The following PIK3C2A variants were observed in gnomAD, a reference collection of about 807,000 sequenced individuals.
The protein encoded by PIK3C2A is phosphatidylinositol-4-phosphate 3-kinase catalytic subunit type 2 alpha.
PIK3C2A carries 97 observed loss-of-function variants against 204.5 expected under a neutral mutation model. The ratio of observed to expected loss-of-function variants is 0.47; its 90% CI spans 0.40 to 0.56. The LOEUF (loss-of-function observed/expected upper bound fraction) is 0.56. PIK3C2A is among the 20% of genes least tolerant of loss of function. PIK3C2A has a pLI of 0.00. For synonymous variants in PIK3C2A, 653 were observed against 664.4 expected (o/e 0.98, Z 0.26); for missense variants, 1,735 against 1,969.2 (o/e 0.88, Z 2.25).
rs1012096503 is a variant in PIK3C2A at position 17,087,551 on chromosome 11, T to C, written c.*2187A>G. The C allele has an allele frequency of 6.6e-6, 1 of 152,204 alleles. No individual in the cohort carries two copies. Among genetic ancestry groups the C allele is most frequent in the Non-Finnish European group, 1.5e-5 (1 of 68,020 alleles). 9.4% of individuals were successfully genotyped at this position (152,204 alleles called of 1,614,324 possible). A position where few individuals can be genotyped will look rare whatever the true frequency, so the allele number is the denominator to read the frequency against. The stretch of plus-strand genomic sequence containing the variant: ...GGACATTTTTTAGCTCTATTATTTG[T>C]GCTAAAAGACACTGTCATAATAGAC... On this transcript the variant is annotated 3_prime_UTR_variant, in exon 33 of 33. Coordinates refer to ENST00000691414, the MANE Select transcript of PIK3C2A (RefSeq NM_002645.4).
chr11:17,138,306 A>G, intron 8 of PIK3C2A: 1 of 580,636 alleles, frequency 1.7e-6, no homozygotes, highest in Admixed American at 2.6e-5. Flanking sequence ...GCCCCGGAAG[A>G]CGAAAAACAG....
intron 1 of PIK3C2A, among the ~76,000 whole-genome samples, chr11:17,203,340 AAAG>A (rs1260214018): frequency 6.6e-6 from 1 of 152,114 alleles, no homozygotes; most frequent in African/African-American, 2.4e-5. Context: ...TAGAAAAAAA[AAAG>A]AAGAAAGAAA....
intron 27 of PIK3C2A, among the ~76,000 whole-genome samples, chr11:17,096,003 G>C (rs1272888316): frequency 1.3e-5 from 2 of 151,386 alleles, no homozygotes; most frequent in Non-Finnish European, 2.9e-5. Flanking sequence ...AGGTTTATGG[G>C]GGGTAGTGAA....
intron 1 of PIK3C2A, among the ~76,000 whole-genome samples, chr11:17,183,069 C>T (rs754174540): frequency 5.9e-5 from 9 of 152,094 alleles, no homozygotes; most frequent in Non-Finnish European, 1.0e-4. Context: ...GTCTCAAACT[C>T]CTAAGTTCAA....
chr11:17,107,749 A>C (rs1489498189), intron 22 of PIK3C2A, among the ~76,000 whole-genome samples: 1 of 152,218 alleles, frequency 6.6e-6, no homozygotes, highest in Non-Finnish European at 1.5e-5. Flanking sequence ...GCTTTGGACA[A>C]AGGATTGGAG....
At chr11:17,106,573 A>G (rs530320769) in intron 22 of PIK3C2A, among the ~76,000 whole-genome samples, 163 of 152,254 alleles carry the variant, frequency 1.1e-3, no homozygotes, top group African/African-American at 3.7e-3. Context: ...GAGATCACAG[A>G]TGCCCAACAC....
rs145949060 is a variant in PIK3C2A at position 17,172,608 on chromosome 11, G to A, written c.-65-2802C>T. Among the ~76,000 whole-genome samples the A allele has an allele frequency of 1.3e-4, 20 of 152,268 alleles. No individual in the cohort carries two copies. The East Asian group carries it at 3.7e-3, about 28-fold the overall frequency. On this transcript the variant is annotated intron_variant, in intron 1 of 32. Coordinates refer to ENST00000691414, the MANE Select transcript of PIK3C2A (RefSeq NM_002645.4). ...TCTTATTAGTTTTAGAAAACAAAGCGCAAGCCATTTTTACTATTTAGCAAC... is the reference window on the plus strand; with the variant it reads ...TCTTATTAGTTTTAGAAAACAAAGCACAAGCCATTTTTACTATTTAGCAAC...
At chr11:17,156,413 G>A (rs1850594888) in intron 2 of PIK3C2A, among the ~76,000 whole-genome samples, 1 of 152,088 alleles carries the variant, frequency 6.6e-6, no homozygotes, top group African/African-American at 2.4e-5. Flanking sequence ...TTGAGACAAG[G>A]ACTCATTCTG....
At chr11:17,129,049 GC>G (rs1849610122) in intron 13 of PIK3C2A, among the ~76,000 whole-genome samples, 1 of 152,236 alleles carries the variant, frequency 6.6e-6, no homozygotes, top group Non-Finnish European at 1.5e-5. Flanking sequence ...ATTGGCTGCT[GC>G]TTTTCTCCAT....
At chr11:17,103,594 C>T (rs184606246) in intron 23 of PIK3C2A, among the ~76,000 whole-genome samples, 4 of 152,200 alleles carry the variant, frequency 2.6e-5, no homozygotes, top group Admixed American at 2.0e-4. Context: ...ACAAACCAGG[C>T]ACTTCTCTGT....
chr11:17,161,563 C>T (rs1022304457), intron 2 of PIK3C2A, among the ~76,000 whole-genome samples: 2 of 152,078 alleles, frequency 1.3e-5, no homozygotes, highest in African/African-American at 4.8e-5. Context: ...CTGATTTAAA[C>T]TTAAATTTCC....
chr11:17,156,103 T>C (rs1464558374), intron 2 of PIK3C2A, among the ~76,000 whole-genome samples: 2 of 152,194 alleles, frequency 1.3e-5, no homozygotes, highest in Non-Finnish European at 1.5e-5. Context: ...AATAAACTTA[T>C]ACTAACATCC....
Position 17,102,029 on chromosome 11 carries a change from C to T in PIK3C2A, c.3852-595G>A, listed in dbSNP as rs1278395425. On this transcript the variant is annotated intron_variant, in intron 24 of 32. Transcript: ENST00000691414. Reference sequence around the variant, plus strand: ...TATAAATCCACATACCCAAAGAGATCAAACAGTAGTTACAAACATAGAAAA... The same window carrying T: ...TATAAATCCACATACCCAAAGAGATTAAACAGTAGTTACAAACATAGAAAA... 2.6e-5 allele frequency among the ~76,000 whole-genome samples: 4 copies of T among 152,178 alleles called. No individual in the cohort carries two copies. In the East Asian group the frequency reaches 7.7e-4, roughly 29 times the overall value.
At chr11:17,129,104 A>T (rs1217382787) in intron 13 of PIK3C2A, among the ~76,000 whole-genome samples, 196 bp downstream of exon 13, 1 of 152,192 alleles carries the variant, frequency 6.6e-6, no homozygotes, top group Non-Finnish European at 1.5e-5. Context: ...CTATTCAGAT[A>T]TGTTTAGAAT....
chr11:17,187,588 GAC>G (rs1327960339), intron 1 of PIK3C2A, among the ~76,000 whole-genome samples: 2 of 152,140 alleles, frequency 1.3e-5, no homozygotes, highest in South Asian at 4.1e-4. Flanking sequence ...TTTTTAAAAA[GAC>G]AGTTTTGGAG....
chr11:17,154,063 C>T (rs1303688043), intron 3 of PIK3C2A, among the ~76,000 whole-genome samples: 4 of 152,086 alleles, frequency 2.6e-5, no homozygotes, highest in Admixed American at 6.5e-5. Flanking sequence ...TTTGCAGTTT[C>T]GTATCACATT....
Position 17,119,257 on chromosome 11 carries a change from T to C in PIK3C2A, c.2903A>G (p.Asp968Gly). 1.2e-6 allele frequency: 2 copies of C among 1,607,420 alleles called. No homozygotes were observed. Among genetic ancestry groups the C allele is most frequent in the Non-Finnish European group, 1.7e-6 (2 of 1,174,754 alleles). The change falls in exon 17 of 33, where the codon GAT becomes GGT. Residue 968 changes from aspartate (D) to glycine (G), a missense_variant. Physicochemically the swap from Asp to Gly is moderately conservative, Grantham distance 94 (BLOSUM62 -1). Coordinates refer to ENST00000691414, the MANE Select transcript of PIK3C2A (RefSeq NM_002645.4). The stretch of plus-strand genomic sequence containing the variant: ...TGGAAGAAGATCTGTTAGCTCATCA[T>C]CACTAATGGCCTCAATCCAGGTCAC... ...LAVTWIEAIS[D>G]DELTDLLPQF...
intron 1 of PIK3C2A, among the ~76,000 whole-genome samples, chr11:17,192,727 G>GT (rs1336354133): frequency 1.3e-5 from 2 of 152,158 alleles, no homozygotes; most frequent in Non-Finnish European, 2.9e-5. Flanking sequence ...GATTACAGAC[G>GT]TAAGCCACCG....
intron 3 of PIK3C2A, among the ~76,000 whole-genome samples, chr11:17,155,157 T>C (rs560100218): frequency 9.2e-5 from 14 of 152,308 alleles, no homozygotes; most frequent in African/African-American, 1.9e-4. Context: ...TATAATATCA[T>C]CTCTTAAATA....
Sources: allele counts gnomAD v4.1 joint callset (sites outside exome capture counted in the v4.1 genomes callset), GRCh38; gene constraint gnomAD v4.1.1; transcripts MANE v1.5; gene names NCBI Gene and HGNC (gene_info 2026-07-23, HGNC 2026-07-21).